Variants in PIGG observed in about 807,000 individuals in gnomAD.
PIGG encodes the protein GPI ethanolamine phosphate transferase 2, catalytic subunit.
A neutral mutation model predicts 83.2 loss-of-function variants in PIGG; 70 were observed. The ratio of observed to expected loss-of-function variants is 0.84; its 90% confidence interval spans 0.69 to 1.03. PIGG has a LOEUF of 1.03. Ranked by LOEUF, PIGG falls within the 50% of genes least tolerant of loss-of-function variation. PIGG has a pLI of 0.00. For missense variants in PIGG, 1,257 were observed against 1,233.6 expected, an observed-to-expected ratio of 1.02 and a Z score of -0.28; for synonymous variants, 532 against 519.5, an observed-to-expected ratio of 1.02 and a Z score of -0.33.
intron 9 of PIGG, chr4:525,380 AT>A (rs1727292809): frequency 1.0e-6 from 1 of 985,010 alleles, no homozygotes; most frequent in Middle Eastern, 5.2e-4. Flanking sequence ...AAGCAGCACA[AT>A]GAGAGCATCT....
intron 5 of PIGG, among the ~76,000 whole-genome samples, chr4:513,370 GT>G (rs2108862025): frequency 6.6e-6 from 1 of 152,220 alleles, no homozygotes; most frequent in African/African-American, 2.4e-5. Flanking sequence ...AAAATAAGCG[GT>G]TTTGGATTGT....
chr4:501,742 A>C (rs1250649021), intron 2 of PIGG: 1 of 153,610 alleles, frequency 6.5e-6, no homozygotes, highest in Non-Finnish European at 1.4e-5. Context: ...TTCCTTCAGC[A>C]ATATTTATTG....
chr4:522,183 A>G, intron 8 of PIGG: 4 of 603,580 alleles, frequency 6.6e-6, no homozygotes, highest in Admixed American at 2.9e-5. Flanking sequence ...GTTCTTGGAA[A>G]GCTAGGTTCC....
At position 539,128 on chromosome 4, in the gene PIGG, T is replaced by C. The variant is rs144863993; in HGVS notation, c.2736-25T>C. 960 of 1,449,348 alleles carry C rather than the reference T, an allele frequency of 6.6e-4. 4 individuals carry two copies. The East Asian group carries it at 0.016, about 25-fold the overall frequency. 89.8% of individuals were successfully genotyped at this position (1,449,348 alleles called of 1,614,324 possible). On this transcript the variant is annotated intron_variant, in intron 12 of 12. Transcript: ENST00000453061. Reference sequence around the variant, plus strand: ...GTGATATGTAAGTGGCATGTGCTAATACACATTTTCTTTCTTATTAACAGT... The same window carrying C: ...GTGATATGTAAGTGGCATGTGCTAACACACATTTTCTTTCTTATTAACAGT...
At chr4:535,926 C>T (rs11937981) in intron 12 of PIGG, among the ~76,000 whole-genome samples, 3,332 of 152,292 alleles carry the variant, frequency 0.022, 58 homozygotes, top group South Asian at 0.043. Context: ...AGCCCCCTGT[C>T]GACATTCCGC....
intron 9 of PIGG, among the ~76,000 whole-genome samples, chr4:526,370 C>T (rs912286220): frequency 2.0e-5 from 3 of 152,358 alleles, no homozygotes; most frequent in East Asian, 1.9e-4. Context: ...CGGCCTTCCC[C>T]ACCCTCACAC....
At chr4:527,941 A>G in intron 10 of PIGG, 1 of 985,370 alleles carries the variant, frequency 1.0e-6, no homozygotes, top group Non-Finnish European at 1.2e-6. Flanking sequence ...AAGCAGAGGC[A>G]GGAGCCTGGG....
chr4:521,502 T>A (rs1316107426), intron 7 of PIGG, among the ~76,000 whole-genome samples, 158 bp from the exon 8 acceptor site: 1 of 152,212 alleles, frequency 6.6e-6, no homozygotes, highest in Non-Finnish European at 1.5e-5. Flanking sequence ...AATCATGCCA[T>A]GCATTTTGGG....
At chr4:512,329 C>T (rs977525468) in intron 5 of PIGG, among the ~76,000 whole-genome samples, 4 of 150,404 alleles carry the variant, frequency 2.7e-5, no homozygotes, top group African/African-American at 9.8e-5. Flanking sequence ...AAGCTATTCT[C>T]CTGCCTCAGC....
chr4:522,024 C>A, intron 8 of PIGG, 83 bp downstream of exon 8: 1 of 1,476,254 alleles, frequency 6.8e-7, no homozygotes, highest in Non-Finnish European at 9.4e-7. Context: ...TTTCGTTTAC[C>A]AGACTCTGGT....
rs1728166902 is a variant in PIGG, at chr4:528,121, G to A, written c.2261+891G>A. ...CTCTGATAGTGACCCTCTCAGTGAG[G>A]TCGGTGCTCTGCAGAGGGGTCTTCT... is the stretch of plus-strand genomic sequence containing the variant. On this transcript the variant is annotated intron_variant, in intron 10 of 12. Coordinates refer to ENST00000453061, the MANE Select transcript of PIGG (RefSeq NM_001127178.3). The surrounding 1 kb of genome is among the most constrained non-coding windows in gnomAD (Gnocchi z 4.8). 2 of 985,260 alleles carry A rather than the reference G, an allele frequency of 2.0e-6. No homozygotes were observed. Among genetic ancestry groups the A allele is most frequent in the South Asian group, 4.7e-5 (1 of 21,290 alleles). 61.0% of individuals were successfully genotyped at this position (985,260 alleles called of 1,614,324 possible).
In PIGG at chr4:539,409, C is replaced by G. The variant is rs1410247006; in HGVS notation, c.*40C>G. The G allele has an allele frequency of 8.4e-7, 1 of 1,196,962 alleles. No individual in the cohort carries two copies. The highest frequency in any genetic ancestry group is 1.5e-5 in the African/African-American group (1 of 65,740). The allele number at this position is 1,196,962 out of a possible 1,614,324, so 74.1% of individuals were successfully genotyped here. ...TGGAAAAATAATACATGCTTAAAGT[C>G]TGCTGTTATTCTAAAATGAAAGATA... On this transcript the variant is annotated 3_prime_UTR_variant, in exon 13 of 13. Transcript: ENST00000453061.
chr4:513,651 A>G (rs1722952598), intron 5 of PIGG, among the ~76,000 whole-genome samples: 1 of 152,030 alleles, frequency 6.6e-6, no homozygotes, highest in Non-Finnish European at 1.5e-5. Context: ...AATGTTGAAG[A>G]CTCAGCAGGC....
intron 6 of PIGG, among the ~76,000 whole-genome samples, chr4:518,918 G>A (rs1724845669): frequency 6.6e-6 from 1 of 152,162 alleles, no homozygotes; most frequent in Admixed American, 6.5e-5. Flanking sequence ...TGGAGGCTTT[G>A]TGCCCACCCG....
In PIGG at chr4:522,350, A is replaced by C. The variant is rs184906460; in HGVS notation, c.1614+409A>C. 6 of 371,046 alleles carry C rather than the reference A, an allele frequency of 1.6e-5. No individual in the cohort carries two copies. The East Asian group carries it at 2.3e-4, about 14-fold the overall frequency. 23.0% of individuals were successfully genotyped at this position (371,046 alleles called of 1,614,324 possible). A position where few individuals can be genotyped will look rare whatever the true frequency, so the allele number is the denominator to read the frequency against. Reference sequence around the variant, plus strand: ...ATCGGCCTGGACACTCAGGAGGGTCAAAAGGAGACTTGGTCGCACCACTCA... The same window carrying C: ...ATCGGCCTGGACACTCAGGAGGGTCCAAAGGAGACTTGGTCGCACCACTCA... On this transcript the variant is annotated intron_variant, in intron 8 of 12. Transcript: ENST00000453061.
chr4:539,014 T>A (rs1731429195), intron 12 of PIGG, 139 bp from the exon 13 acceptor site: 2 of 626,352 alleles, frequency 3.2e-6, no homozygotes, highest in Non-Finnish European at 5.7e-6. Context: ...AGTGACTGGA[T>A]GTGTGTGCAG....
chr4:517,328 T>G (rs1724255499), intron 6 of PIGG, among the ~76,000 whole-genome samples: 1 of 152,106 alleles, frequency 6.6e-6, no homozygotes, highest in African/African-American at 2.4e-5. Flanking sequence ...TCTGGAAAGA[T>G]TCTGAAGGTC....
chr4:515,907 T>C lies in PIGG; in HGVS notation c.902-66T>C, dbSNP rs1321201924. 1.6e-6 allele frequency: 2 copies of C among 1,283,684 alleles called. No individual in the cohort carries two copies. The highest frequency in any genetic ancestry group is 2.3e-6 in the Non-Finnish European group (2 of 881,076). 79.5% of individuals were successfully genotyped at this position (1,283,684 alleles called of 1,614,324 possible). ...CTCATGTTAGTTGTAGAAGGTCTAATTCAAGAATGAGTACCATCTTACACT... is the reference window on the plus strand; with the variant it reads ...CTCATGTTAGTTGTAGAAGGTCTAACTCAAGAATGAGTACCATCTTACACT... On this transcript the variant is annotated intron_variant, in intron 5 of 12. Transcript: ENST00000453061. This position sits in a 1 kb window ranked among gnomAD's most constrained non-coding sequence, Gnocchi z 4.2.
At chr4:507,286 C>T in intron 3 of PIGG, 119 bp from the exon 4 acceptor site, 1 of 773,804 alleles carries the variant, frequency 1.3e-6, no homozygotes, top group Non-Finnish European at 2.1e-6. Flanking sequence ...TTTCAACTCC[C>T]CCAAATCCTG....
Sources: gnomAD v4.1 joint callset for allele counts (sites outside exome capture counted in the v4.1 genomes callset) on GRCh38, gnomAD v4.1.1 for gene constraint, Gnocchi (gnomAD v3.1) non-coding constraint, MANE v1.5 for transcripts, NCBI Gene and HGNC (gene_info 2026-07-23, HGNC 2026-07-21) for gene names.